ADARB2: variants seen among roughly 807,000 people sequenced by gnomAD.
ADARB2 encodes the protein inactive double-stranded RNA-specific editase B2.
Under a neutral mutation model 62.2 loss-of-function variants are expected in ADARB2, and 25 were observed. The ratio of observed to expected loss-of-function variants is 0.40; its 90% CI spans 0.29 to 0.56. The LOEUF is 0.56. Ranked by LOEUF, ADARB2 falls within the 20% of genes least tolerant of loss-of-function variation. The pLI is 0.43. For synonymous variants in ADARB2, 572 were observed against 500.8 expected, an observed-to-expected ratio of 1.14 and a Z score of -1.90; for missense variants, 1,071 against 1,077.4, an observed-to-expected ratio of 0.99 and a Z score of 0.08.
chr10:1,399,276 TCTC>T (rs1832642112), intron 1 of ADARB2, among the ~76,000 whole-genome samples: 2 of 152,196 alleles, frequency 1.3e-5, no homozygotes, highest in South Asian at 2.1e-4. Context: ...CCTCTGGAGA[TCTC>T]CTCCTCTCTC....
At chr10:1,202,233 G>A (rs1836995850) in intron 7 of ADARB2, among the ~76,000 whole-genome samples, 1 of 152,030 alleles carries the variant, frequency 6.6e-6, no homozygotes, top group Admixed American at 6.5e-5. Flanking sequence ...GTGAGCCACT[G>A]CACCTGGTCT....
intron 1 of ADARB2, among the ~76,000 whole-genome samples, chr10:1,568,071 C>A (rs899428719): frequency 6.6e-6 from 1 of 152,248 alleles, no homozygotes; most frequent in African/African-American, 2.4e-5. Flanking sequence ...GGAAACACAA[C>A]TGAAGAATAC....
intron 1 of ADARB2, among the ~76,000 whole-genome samples, chr10:1,683,741 A>G (rs1834568148): frequency 6.6e-6 from 1 of 152,280 alleles, no homozygotes; most frequent in Non-Finnish European, 1.5e-5. Context: ...AGAAAAAGAC[A>G]TCATGACTGT....
intron 1 of ADARB2, among the ~76,000 whole-genome samples, chr10:1,448,119 G>A (rs1020994172): frequency 4.6e-5 from 7 of 152,134 alleles, no homozygotes; most frequent in Admixed American, 3.3e-4. Flanking sequence ...AGTTATCGAG[G>A]GGGAAAGATA....
intron 1 of ADARB2, among the ~76,000 whole-genome samples, chr10:1,536,198 G>A (rs1564321390): frequency 6.6e-6 from 1 of 152,124 alleles, no homozygotes; most frequent in Non-Finnish European, 1.5e-5. Context: ...ATTTGGGTTA[G>A]ATGGGGTCCT....
rs1181420725 is a variant in ADARB2, at chr10:1,182,632, G to C, written c.*561C>G. ...GGTTCTATTTTAGGTGTTCGGTAAT[G>C]TCGTACATCTTAAATCTTTTTTGAA... On this transcript the variant is annotated 3_prime_UTR_variant, in exon 10 of 10. Transcript: ENST00000381312. 6.5e-6 allele frequency: 1 copy of C among 152,688 alleles called. No homozygotes were observed. The highest frequency in any genetic ancestry group is 1.5e-5 in the Non-Finnish European group (1 of 68,366). The allele number at this position is 152,688 out of a possible 1,614,324, so 9.5% of individuals were successfully genotyped here.
At chr10:1,506,587 C>A (rs1831855703) in intron 1 of ADARB2, among the ~76,000 whole-genome samples, 1 of 152,248 alleles carries the variant, frequency 6.6e-6, no homozygotes. Context: ...ACCATGTGGG[C>A]TCCAGGCGTC....
intron 1 of ADARB2, among the ~76,000 whole-genome samples, chr10:1,724,045 G>C (rs1046495106): frequency 6.6e-6 from 1 of 152,176 alleles, no homozygotes. Flanking sequence ...GCTGAATGGT[G>C]TTCCCCCAAA....
Position 1,645,268 on chromosome 10 carries a change from C to T in ADARB2, c.100+91783G>A, listed in dbSNP as rs1834024927. Among the ~76,000 whole-genome samples, 4 of 152,330 alleles carry T rather than the reference C, an allele frequency of 2.6e-5. No individual in the cohort carries two copies. The South Asian group carries it at 8.3e-4, about 32-fold the overall frequency. ...TTACGCATGCATGGCTATGGTACAG[C>T]CCACTGGATGGGCTCTAAAGCCTTA... is the stretch of plus-strand genomic sequence containing the variant. On this transcript the variant is annotated intron_variant, in intron 1 of 9. Coordinates refer to ENST00000381312, the MANE Select transcript of ADARB2 (RefSeq NM_018702.4).
chr10:1,369,438 A>G (rs532311687), intron 2 of ADARB2, among the ~76,000 whole-genome samples: 43 of 151,980 alleles, frequency 2.8e-4, no homozygotes, highest in Non-Finnish European at 4.9e-4. Context: ...GCCCTGTGGA[A>G]GTTACCCCCT....
At chr10:1,355,395 T>C (rs11250452) in intron 3 of ADARB2, among the ~76,000 whole-genome samples, 1,888 of 152,292 alleles carry the variant, frequency 0.012, 42 homozygotes, top group African/African-American at 0.042. Context: ...CACCCCTCAG[T>C]GACTAGACTT....
intron 3 of ADARB2, among the ~76,000 whole-genome samples, chr10:1,315,738 C>A (rs1323511512): frequency 6.6e-6 from 1 of 152,220 alleles, no homozygotes; most frequent in East Asian, 1.9e-4. Context: ...ATATCAGCCT[C>A]CAGAATATTG....
chr10:1,535,384 C>G (rs563094424), intron 1 of ADARB2, among the ~76,000 whole-genome samples: 2 of 152,154 alleles, frequency 1.3e-5, no homozygotes, highest in African/African-American at 4.8e-5. Context: ...GCTGAGTTCT[C>G]GGTAAACACA....
intron 3 of ADARB2, among the ~76,000 whole-genome samples, chr10:1,353,426 C>A (rs1403953684): frequency 1.3e-5 from 2 of 152,152 alleles, no homozygotes; most frequent in Non-Finnish European, 2.9e-5. Flanking sequence ...GGCAACATCT[C>A]TTGTCTCCCT....
intron 1 of ADARB2, among the ~76,000 whole-genome samples, chr10:1,478,427 G>T (rs1163591729): frequency 1.3e-5 from 2 of 152,158 alleles, no homozygotes; most frequent in African/African-American, 4.8e-5. Flanking sequence ...AAGTAACTTA[G>T]TACCCTGGGT....
intron 1 of ADARB2, among the ~76,000 whole-genome samples, chr10:1,688,324 G>T (rs963066025): frequency 3.9e-5 from 6 of 152,196 alleles, no homozygotes; most frequent in Non-Finnish European, 7.3e-5. Flanking sequence ...GCATGGGTGG[G>T]CAGAGTTGGG....
intron 1 of ADARB2, among the ~76,000 whole-genome samples, chr10:1,525,920 C>T (rs1342508900): frequency 6.6e-6 from 1 of 151,310 alleles, no homozygotes; most frequent in Admixed American, 6.6e-5. Context: ...CTCATGTGCA[C>T]GTGTGTCTGT....
chr10:1,663,148 A>G (rs1036450234), intron 1 of ADARB2, among the ~76,000 whole-genome samples: 2 of 152,268 alleles, frequency 1.3e-5, no homozygotes, highest in African/African-American at 4.8e-5. Context: ...CAACTATTTT[A>G]GAGCAGTTTT....
At chr10:1,698,253 C>T (rs575535132) in intron 1 of ADARB2, among the ~76,000 whole-genome samples, 1 of 152,308 alleles carries the variant, frequency 6.6e-6, no homozygotes, top group Admixed American at 6.5e-5. Context: ...AAGTTTTCCC[C>T]TACACTGAAG....
Sources: gnomAD v4.1 joint callset for allele counts (sites outside exome capture counted in the v4.1 genomes callset) on GRCh38, gnomAD v4.1.1 for gene constraint, MANE v1.5 for transcripts, NCBI Gene and HGNC (gene_info 2026-07-23, HGNC 2026-07-21) for gene names.